Variants in TMEM179 observed in about 807,000 individuals in gnomAD.
TMEM179 encodes transmembrane protein 179.
Under a neutral mutation model 22.2 loss-of-function variants are expected in TMEM179, and 17 were observed. That is an observed-to-expected ratio of 0.77 (90% CI 0.52 to 1.15). The LOEUF is 1.15. Ranked by LOEUF, TMEM179 falls within the 50% of genes most tolerant of loss-of-function variation. The probability of loss-of-function intolerance (pLI) is 0.00; values close to 1 mark genes in which losing one functional copy is unlikely to be tolerated. For synonymous variants in TMEM179, 127 were observed against 140.5 expected (o/e 0.90, Z 0.68); for missense variants, 265 against 313.6 (o/e 0.84, Z 1.17).
chr14:104,597,188 C>T lies in TMEM179; in HGVS notation c.306-61G>A, dbSNP rs1887058516. 1 of 1,517,194 alleles carries T rather than the reference C, an allele frequency of 6.6e-7. No individual in the cohort carries two copies. Among genetic ancestry groups the T allele is most frequent in the Admixed American group, 2.1e-5 (1 of 48,410 alleles). 94.0% of individuals were successfully genotyped at this position (1,517,194 alleles called of 1,614,324 possible). The stretch of plus-strand genomic sequence containing the variant: ...CACCACCTCCCAGGCGACCCCCGCC[C>T]CCAGGCTGCAGCCAGAAACAGGAGG... On this transcript the variant is annotated intron_variant, in intron 1 of 3. Transcript: ENST00000556573. The surrounding 1 kb of genome is among the most constrained non-coding windows in gnomAD (Gnocchi z 4.8).
In TMEM179 at chr14:104,604,430, C is replaced by T; in HGVS notation, c.305+7G>A. 6.5e-7 allele frequency: 1 copy of T among 1,547,396 alleles called. No homozygotes were observed. The highest frequency in any genetic ancestry group is 8.7e-7 in the Non-Finnish European group (1 of 1,154,504). On this transcript the variant is annotated splice_region_variant and intron_variant, in intron 1 of 3. Coordinates refer to ENST00000556573, the MANE Select transcript of TMEM179 (RefSeq NM_001286389.2). The surrounding 1 kb of genome is among the most constrained non-coding windows in gnomAD (Gnocchi z 4.6). ...GGGGCGCCGCGCCGGGAGCGGCCCC[C>T]ACTTACCCCTCGTGTCCCTTGCAGA... is the stretch of plus-strand genomic sequence containing the variant.
chr14:104,604,467 G>A lies in TMEM179; in HGVS notation c.275C>T (p.Thr92Met), dbSNP rs1164265911. Residue 92 changes from threonine to methionine, a missense_variant, in exon 1 of 4, where the codon ACG becomes ATG. By Grantham distance (81) the Thr-to-Met change is moderately conservative. Transcript: ENST00000556573. This position sits in a 1 kb window ranked among gnomAD's most constrained non-coding sequence, Gnocchi z 4.6. ...GTGTCCCTTGCAGAGGAAGAAGAGC[G>A]TGCGCCAGGCGTGCGCGGCGGCCAG... ...LLLAAAHAWR[T>M]LFFLCKGHEG... 1 of 1,581,984 alleles carries A rather than the reference G, an allele frequency of 6.3e-7. No individual in the cohort carries two copies. The highest frequency in any genetic ancestry group is 8.6e-7 in the Non-Finnish European group (1 of 1,168,276).
At chr14:104,594,640 T>A (rs751291610) in intron 3 of TMEM179, 1 of 1,222,270 alleles carries the variant, frequency 8.2e-7, no homozygotes, top group South Asian at 4.3e-5. Context: ...CCAAGTCTCC[T>A]AGGGGGCGGG....
chr14:104,597,114 C>A lies in TMEM179; in HGVS notation c.319G>T (p.Ala107Ser). 1.3e-6 allele frequency: 2 copies of A among 1,599,228 alleles called. No homozygotes were observed. Among genetic ancestry groups the A allele is most frequent in the Non-Finnish European group, 1.7e-6 (2 of 1,174,016 alleles). The change falls in exon 2 of 4, where the codon GCC (alanine) becomes TCC (serine). Residue 107 changes from alanine (A) to serine (S), a missense_variant. Coordinates refer to ENST00000556573, the MANE Select transcript of TMEM179 (RefSeq NM_001286389.2). This position sits in a 1 kb window ranked among gnomAD's most constrained non-coding sequence, Gnocchi z 4.8. ...GCGCTGACCAGGAGGTTCAGGAAGG[C>A]GGAGAAGAAGGAGCTGCAGCCAGAA... ...CKGHEGSFFS[A>S]FLNLLVSAFV...
At chr14:104,603,502 C>CCACAGAGGGAGTGGGTGGGTT (rs1566747155) in intron 1 of TMEM179, among the ~76,000 whole-genome samples, 2 of 135,824 alleles carry the variant, frequency 1.5e-5, no homozygotes, top group African/African-American at 7.1e-5. Flanking sequence ...CAGAGGGCAC[C>CCACAGAGGGAGTGGGTGGGTT]CACAGAGGGA....
intron 3 of TMEM179, 71 bp from the exon 4 acceptor site, chr14:104,593,729 C>T: frequency 1.4e-6 from 2 of 1,410,642 alleles, no homozygotes; most frequent in Non-Finnish European, 1.9e-6. Flanking sequence ...CTCCCACCAG[C>T]CCCCAGGCTC....
chr14:104,604,633 C>T lies in TMEM179; in HGVS notation c.109G>A (p.Gly37Ser), dbSNP rs1406113069. Residue 37 changes from glycine (G) to serine (S), a missense_variant, in exon 1 of 4, where the codon GGC (glycine) becomes AGC (serine). Gly to Ser is a moderately conservative substitution (Grantham distance 56). Transcript: ENST00000556573. The surrounding 1 kb of genome is among the most constrained non-coding windows in gnomAD (Gnocchi z 4.6). Reference sequence around the variant, plus strand: ...CCCTCGGTGAAGAGCAGGCAGCGGCCGCGGAAGTCGTGGCCGTTCTCGGAC... The same window carrying T: ...CCCTCGGTGAAGAGCAGGCAGCGGCTGCGGAAGTCGTGGCCGTTCTCGGAC... ...PLSENGHDFR[G>S]RCLLFTEGMW... 2.7e-5 allele frequency: 42 copies of T among 1,580,504 alleles called. No individual in the cohort carries two copies. Among genetic ancestry groups the T allele is most frequent in the Non-Finnish European group, 3.5e-5 (41 of 1,166,304 alleles).
chr14:104,596,496 G>A (rs748751015), intron 2 of TMEM179, among the ~76,000 whole-genome samples: 19 of 152,158 alleles, frequency 1.2e-4, no homozygotes, highest in Non-Finnish European at 2.1e-4. Flanking sequence ...CACCATCCCC[G>A]TCCCTTCCAC....
Position 104,604,439 on chromosome 14 carries a change from C to A in TMEM179, c.303G>T (p.Glu101Asp). ...CGCCGGGAGCGGCCCCCACTTACCC[C>A]TCGTGTCCCTTGCAGAGGAAGAAGA... ...RTLFFLCKGH[E>D]GSFFSAFLNL... The change falls in exon 1 of 4, where the codon GAG becomes GAT. Residue 101 changes from glutamate (E) to aspartate (D), a missense_variant and splice_region_variant. Physicochemically the swap from Glu to Asp is conservative, Grantham distance 45. Transcript: ENST00000556573. This position sits in a 1 kb window ranked among gnomAD's most constrained non-coding sequence, Gnocchi z 4.6. The A allele has an allele frequency of 6.4e-7, 1 of 1,569,672 alleles. No homozygotes were observed. Among genetic ancestry groups the A allele is most frequent in the South Asian group, 1.2e-5 (1 of 86,546 alleles).
At position 104,594,596 on chromosome 14, in the gene TMEM179, C is replaced by T. The variant is rs1348881205; in HGVS notation, c.522+569G>A. On this transcript the variant is annotated intron_variant, in intron 3 of 3. Coordinates refer to ENST00000556573, the MANE Select transcript of TMEM179 (RefSeq NM_001286389.2). ...CACATGCCTGCATTTCAGCAAATAG[C>T]GTCCCTCAGAGTGGGGGCCACCATC... 23 of 1,229,314 alleles carry T rather than the reference C, an allele frequency of 1.9e-5. No homozygotes were observed. The East Asian group carries it at 2.8e-4, about 15-fold the overall frequency. 76.2% of individuals were successfully genotyped at this position (1,229,314 alleles called of 1,614,324 possible).
intron 1 of TMEM179, among the ~76,000 whole-genome samples, chr14:104,600,835 C>T (rs933916762): frequency 6.6e-6 from 1 of 152,218 alleles, no homozygotes; most frequent in Non-Finnish European, 1.5e-5. Context: ...GTGCCATGTG[C>T]CCCTCAAACA....
intron 1 of TMEM179, among the ~76,000 whole-genome samples, chr14:104,601,824 A>G (rs1887249738): frequency 6.6e-6 from 1 of 152,124 alleles, no homozygotes; most frequent in African/African-American, 2.4e-5. Flanking sequence ...CCTGACCTCC[A>G]GTGGGGTCAA....
chr14:104,595,277 A>T lies in TMEM179; in HGVS notation c.444-34T>A. Reference sequence around the variant, plus strand: ...GCAGGACATAGGGTGGAGGGTGACCACCAGGACAGCCAGTGCGGGACATGG... The same window carrying T: ...GCAGGACATAGGGTGGAGGGTGACCTCCAGGACAGCCAGTGCGGGACATGG... On this transcript the variant is annotated intron_variant, in intron 2 of 3. Coordinates refer to ENST00000556573, the MANE Select transcript of TMEM179 (RefSeq NM_001286389.2). This position sits in a 1 kb window ranked among gnomAD's most constrained non-coding sequence, Gnocchi z 5.7. The T allele has an allele frequency of 6.3e-7, 1 of 1,598,688 alleles. No individual in the cohort carries two copies. Among genetic ancestry groups the T allele is most frequent in the Non-Finnish European group, 8.5e-7 (1 of 1,170,178 alleles).
Position 104,595,340 on chromosome 14 carries a change from C to T in TMEM179, c.444-97G>A, listed in dbSNP as rs1886984727. On this transcript the variant is annotated intron_variant, in intron 2 of 3. Coordinates refer to ENST00000556573, the MANE Select transcript of TMEM179 (RefSeq NM_001286389.2). This position sits in a 1 kb window ranked among gnomAD's most constrained non-coding sequence, Gnocchi z 5.7. ...CCAGAGAGCCAGGAGCTTTGCCCTA[C>T]AATTGTTGGGCGAGGGGGTGGGCAG... 1 of 1,292,580 alleles carries T rather than the reference C, an allele frequency of 7.7e-7. No homozygotes were observed. The highest frequency in any genetic ancestry group is 2.4e-5 in the East Asian group (1 of 41,784). The allele number at this position is 1,292,580 out of a possible 1,614,324, so 80.1% of individuals were successfully genotyped here.
At position 104,604,664 on chromosome 14, in the gene TMEM179, G is replaced by A. The variant is rs754131053; in HGVS notation, c.78C>T (p.Val26=). The part of the protein sequence containing the change: ...LAFLFSFVVV[V]PLSENGHDFR... ...AGTCGTGGCCGTTCTCGGACAGCGG[G>A]ACCACCACCACGAAGCTGAACAGGA... The change falls in exon 1 of 4, where the codon GTC becomes GTT. Residue 26 remains valine, a synonymous_variant. Coordinates refer to ENST00000556573, the MANE Select transcript of TMEM179 (RefSeq NM_001286389.2). This position sits in a 1 kb window ranked among gnomAD's most constrained non-coding sequence, Gnocchi z 4.6. 1.9e-6 allele frequency: 3 copies of A among 1,596,898 alleles called. No homozygotes were observed. The highest frequency in any genetic ancestry group is 1.7e-4 in the Middle Eastern group (1 of 6,026).
chr14:104,593,819 C>T (rs2140479629), intron 3 of TMEM179, among the ~76,000 whole-genome samples, 161 bp from the exon 4 acceptor site: 1 of 152,354 alleles, frequency 6.6e-6, no homozygotes, highest in Admixed American at 6.5e-5. Context: ...GAAGACCCTG[C>T]CCAAGATCAA....
chr14:104,602,732 G>A (rs547543014), intron 1 of TMEM179, among the ~76,000 whole-genome samples: 6 of 152,214 alleles, frequency 3.9e-5, no homozygotes, highest in Non-Finnish European at 8.8e-5. Flanking sequence ...CCCACCTTGA[G>A]CAGGGCTCCA....
chr14:104,598,936 G>T (rs1032052391), intron 1 of TMEM179, among the ~76,000 whole-genome samples: 1 of 152,220 alleles, frequency 6.6e-6, no homozygotes, highest in Non-Finnish European at 1.5e-5. Context: ...GTACGCGTGG[G>T]GGGTGACCGA....
At chr14:104,599,601 G>A (rs1033526202) in intron 1 of TMEM179, among the ~76,000 whole-genome samples, 4 of 152,178 alleles carry the variant, frequency 2.6e-5, no homozygotes, top group African/African-American at 9.7e-5. Context: ...GGGGCTAGGG[G>A]CCTATAGTCA....
Sources: allele counts gnomAD v4.1 joint callset (sites outside exome capture counted in the v4.1 genomes callset), GRCh38; gene constraint gnomAD v4.1.1; non-coding constraint Gnocchi (gnomAD v3.1); transcripts MANE v1.5; gene names NCBI Gene and HGNC (gene_info 2026-07-23, HGNC 2026-07-21).